PON3: variants seen among roughly 807,000 people sequenced by gnomAD.
PON3 encodes serum paraoxonase/lactonase 3.
Under a neutral mutation model 36.3 loss-of-function variants are expected in PON3, and 37 were observed. The ratio of observed to expected loss-of-function variants is 1.02; its 90% CI spans 0.78 to 1.34. PON3 has a LOEUF of 1.34. PON3 is among the 40% of genes most tolerant of loss of function. The probability of loss-of-function intolerance (pLI) is 0.00; values close to 1 mark genes in which losing one functional copy is unlikely to be tolerated. For synonymous variants in PON3, 155 were observed against 154.8 expected, an observed-to-expected ratio of 1.00 and a Z score of -0.01; for missense variants, 415 against 426.5, an observed-to-expected ratio of 0.97 and a Z score of 0.24.
intron 3 of PON3, 116 bp from the exon 4 acceptor site, chr7:95,372,454 A>AT: frequency 8.5e-7 from 1 of 1,170,808 alleles, no homozygotes. Flanking sequence ...TTTCATTTAG[A>AT]TTACTGGGCT....
intron 2 of PON3, among the ~76,000 whole-genome samples, chr7:95,393,479 G>C (rs968634381): frequency 1.3e-5 from 2 of 152,170 alleles, no homozygotes; most frequent in Non-Finnish European, 2.9e-5. Flanking sequence ...CCCAGAACAG[G>C]GAACACAATC....
At position 95,372,100 on chromosome 7, in the gene PON3, A is replaced by G. The variant is rs940372791; in HGVS notation, c.367+73T>C. On this transcript the variant is annotated intron_variant, in intron 4 of 8. Transcript: ENST00000265627. ...CATCTTCTCTCTTCCTGTTACATAA[A>G]TATTGAGGGGCTGGAGATAAATGGT... The G allele has an allele frequency of 2.0e-6, 3 of 1,504,338 alleles. No homozygotes were observed. The East Asian group carries it at 6.8e-5, about 34-fold the overall frequency. 93.2% of individuals were successfully genotyped at this position (1,504,338 alleles called of 1,614,324 possible).
In PON3 at chr7:95,369,534, G is replaced by A. The variant is rs912483114; in HGVS notation, c.368-2046C>T. Among the ~76,000 whole-genome samples the A allele has an allele frequency of 4.6e-5, 7 of 152,242 alleles. No homozygotes were observed. The East Asian group carries it at 9.7e-4, about 21-fold the overall frequency. ...TTACACCTGTAATCCTAACACTTTG[G>A]GAGGCCAAGGCAGGTGGATCACCTG... is the stretch of plus-strand genomic sequence containing the variant. On this transcript the variant is annotated intron_variant, in intron 4 of 8. Coordinates refer to ENST00000265627, the MANE Select transcript of PON3 (RefSeq NM_000940.3).
In PON3 at chr7:95,392,703, G is replaced by A. The variant is rs540852510; in HGVS notation, c.145+1941C>T. ...AACCTAAGCAGAATGTTTTGGAAAG[G>A]CCATCTGGCATTCATTCTACACTAC... On this transcript the variant is annotated intron_variant, in intron 2 of 8. Transcript: ENST00000265627. Among the ~76,000 whole-genome samples, 8 of 152,318 alleles carry A rather than the reference G, an allele frequency of 5.3e-5. No homozygotes were observed. In the South Asian group the frequency reaches 1.7e-3, roughly 32 times the overall value.
chr7:95,367,389 T>G lies in PON3; in HGVS notation c.467A>C (p.Lys156Thr). The part of the protein sequence containing the change: ...EEQQRSLVYL[K>T]TIKHELLKSV... ...TTTGAGAAGTTCATGTTTTATAGTT[T>G]TCAGGTATACCAGAGAACGTTGTTG... Residue 156 changes from lysine (K) to threonine (T), a missense_variant, in exon 5 of 9, where the codon AAA becomes ACA. Transcript: ENST00000265627. 6.2e-7 allele frequency: 1 copy of G among 1,613,082 alleles called. No individual in the cohort carries two copies. The highest frequency in any genetic ancestry group is 8.5e-7 in the Non-Finnish European group (1 of 1,179,566).
chr7:95,389,888 GT>G (rs1385479728), intron 3 of PON3, among the ~76,000 whole-genome samples: 1 of 152,184 alleles, frequency 6.6e-6, no homozygotes, highest in Non-Finnish European at 1.5e-5. Context: ...TAGGAATCGA[GT>G]GGAAATCAAT....
At position 95,376,023 on chromosome 7, in the gene PON3, T is replaced by C. The variant is rs367839725; in HGVS notation, c.202-3685A>G. On this transcript the variant is annotated intron_variant, in intron 3 of 8. Coordinates refer to ENST00000265627, the MANE Select transcript of PON3 (RefSeq NM_000940.3). ...CTGGTAGTATGTTCGGTGTTGGGCA[T>C]GTCAATACATGTTCCAAAGTCTTGA... 3.2e-4 allele frequency among the ~76,000 whole-genome samples: 48 copies of C among 152,360 alleles called. 1 individual carries two copies. The East Asian group carries it at 5.0e-3, about 16-fold the overall frequency.
rs1808590365 is a variant in PON3 at position 95,362,390 on chromosome 7, T to C, written c.878A>G (p.Tyr293Cys). Residue 293 changes from tyrosine (Y) to cysteine (C), a missense_variant, in exon 8 of 9, where the codon TAT becomes TGT. Tyr to Cys is a radical substitution (Grantham distance 194, BLOSUM62 -2). Coordinates refer to ENST00000265627, the MANE Select transcript of PON3 (RefSeq NM_000940.3). ...TGATCCTGGAGGGTCCTCAGGGTTA[T>C]AGTTCAGTAGCTTCATAGGATTAGG... The part of the protein sequence containing the change: ...CHPNPMKLLN[Y>C]NPEDPPGSEV... 2.5e-6 allele frequency: 4 copies of C among 1,613,680 alleles called. No individual in the cohort carries two copies. The highest frequency in any genetic ancestry group is 1.7e-5 in the Admixed American group (1 of 59,944).
intron 4 of PON3, among the ~76,000 whole-genome samples, chr7:95,368,147 G>A (rs568523135): frequency 1.3e-5 from 2 of 152,312 alleles, no homozygotes; most frequent in East Asian, 3.9e-4. Context: ...AAGATTGAGG[G>A]TAGTAATTTG....
At chr7:95,376,943 C>T (rs747745267) in intron 3 of PON3, among the ~76,000 whole-genome samples, 3 of 152,198 alleles carry the variant, frequency 2.0e-5, no homozygotes, top group South Asian at 2.1e-4. Flanking sequence ...TGGGGCAGGG[C>T]GTCACCTCAC....
chr7:95,387,931 C>A (rs150009267), intron 3 of PON3, among the ~76,000 whole-genome samples: 3 of 152,010 alleles, frequency 2.0e-5, no homozygotes, highest in Admixed American at 6.6e-5. Context: ...GCTAGCCATA[C>A]GTAGAAAGCC....
At chr7:95,373,731 G>C (rs1194064750) in intron 3 of PON3, among the ~76,000 whole-genome samples, 1 of 152,180 alleles carries the variant, frequency 6.6e-6, no homozygotes, top group South Asian at 2.1e-4. Flanking sequence ...ATTTAGTACT[G>C]TTTATTGATT....
At chr7:95,370,824 G>A (rs1294902534) in intron 4 of PON3, among the ~76,000 whole-genome samples, 1 of 152,182 alleles carries the variant, frequency 6.6e-6, no homozygotes, top group Non-Finnish European at 1.5e-5. Flanking sequence ...ACACACCACT[G>A]AATTCAGACT....
chr7:95,364,554 C>G, intron 5 of PON3: 1 of 223,146 alleles, frequency 4.5e-6, no homozygotes, highest in Non-Finnish European at 8.9e-6. Flanking sequence ...ATGTTTCCCT[C>G]ATGTTTCCAC....
chr7:95,393,576 A>G (rs908202121), intron 2 of PON3, among the ~76,000 whole-genome samples: 20 of 152,312 alleles, frequency 1.3e-4, no homozygotes, highest in African/African-American at 3.4e-4. Context: ...GGCATTAACT[A>G]GTAGGTGAGA....
At chr7:95,362,309 C>T (rs910749617) in intron 8 of PON3, 53 bp downstream of exon 8, 2 of 1,608,134 alleles carry the variant, frequency 1.2e-6, no homozygotes, top group African/African-American at 2.7e-5. Context: ...GTCACCCCAA[C>T]AAATTTGTTC....
rs544507467 is a variant in PON3 at position 95,362,349 on chromosome 7, T to TATA, written c.906+10_906+12dup. 298 of 1,613,492 alleles carry TATA rather than the reference T, an allele frequency of 1.8e-4. 2 individuals are homozygous for TATA. The highest frequency in any genetic ancestry group is 9.9e-4 in the Middle Eastern group (6 of 6,062). The stretch of plus-strand genomic sequence containing the variant: ...AGCTTTGCCTGTGAGCTCAGAGAGG[T>TATA]ATAGGAACTTACTTCTGATCCTGGA... On this transcript the variant is annotated intron_variant, in intron 8 of 8. Transcript: ENST00000265627.
At chr7:95,369,357 G>T (rs1281272883) in intron 4 of PON3, among the ~76,000 whole-genome samples, 2 of 152,110 alleles carry the variant, frequency 1.3e-5, no homozygotes. Context: ...TACTAGAGTG[G>T]GGAGACACGT....
intron 3 of PON3, among the ~76,000 whole-genome samples, chr7:95,379,659 G>A (rs965629838): frequency 2.6e-5 from 4 of 152,224 alleles, no homozygotes; most frequent in Admixed American, 2.6e-4. Context: ...CTGGGGGAGG[G>A]GCGCCCGCCA....
Sources: allele counts gnomAD v4.1 joint callset (sites outside exome capture counted in the v4.1 genomes callset), GRCh38; gene constraint gnomAD v4.1.1; transcripts MANE v1.5; gene names NCBI Gene and HGNC (gene_info 2026-07-23, HGNC 2026-07-21).